RNF24: variants seen among roughly 807,000 people sequenced by gnomAD.
RNF24 encodes ring finger protein 24.
A neutral mutation model predicts 20.0 loss-of-function variants in RNF24; 14 were observed. That is an observed-to-expected ratio of 0.70 (90% CI 0.46 to 1.10). The LOEUF (loss-of-function observed/expected upper bound fraction) is 1.10. RNF24 is among the 50% of genes least tolerant of loss of function. The pLI is 0.00. For synonymous variants in RNF24, 45 were observed against 61.1 expected, an observed-to-expected ratio of 0.74 and a Z score of 1.23; for missense variants, 124 against 177.6, an observed-to-expected ratio of 0.70 and a Z score of 1.71.
intron 1 of RNF24, among the ~76,000 whole-genome samples, chr20:3,967,518 C>G (rs558602438): frequency 1.5e-3 from 235 of 152,138 alleles, no homozygotes; most frequent in African/African-American, 5.4e-3. Context: ...CTAAGAGGGA[C>G]AGATTACTTG....
Position 3,994,365 on chromosome 20 carries a change from G to A in RNF24, c.-8+21072C>T, listed in dbSNP as rs1441950012. 3.3e-5 allele frequency among the ~76,000 whole-genome samples: 5 copies of A among 152,112 alleles called. No homozygotes were observed. The East Asian group carries it at 5.8e-4, about 18-fold the overall frequency. On this transcript the variant is annotated intron_variant, in intron 1 of 5. Coordinates refer to ENST00000358395, the MANE Select transcript of RNF24 (RefSeq NM_001134337.3). ...CATCAACAGTCAGTTATAACTCCCC[G>A]GAAAAGCACAGGGTTAAAACACCTA...
At chr20:3,964,698 A>C (rs2091239973) in intron 1 of RNF24, among the ~76,000 whole-genome samples, 1 of 151,992 alleles carries the variant, frequency 6.6e-6, no homozygotes, top group South Asian at 2.1e-4. Context: ...AATTTTTAAA[A>C]ATTTTTTTGT....
chr20:3,966,633 G>A lies in RNF24; in HGVS notation c.-7-2609C>T, dbSNP rs191559216. On this transcript the variant is annotated intron_variant, in intron 1 of 5. Coordinates refer to ENST00000358395, the MANE Select transcript of RNF24 (RefSeq NM_001134337.3). ...CCTTCCACAGGGAGCTCTTCTGCAT[G>A]CACTGACAGCTTTCTGTCAGGTGGC... 1.5e-3 allele frequency among the ~76,000 whole-genome samples: 223 copies of A among 152,286 alleles called. 2 individuals are homozygous for A. The highest frequency in any genetic ancestry group is 5.2e-3 in the African/African-American group (215 of 41,560).
intron 1 of RNF24, among the ~76,000 whole-genome samples, chr20:3,983,670 G>T (rs1044626332): frequency 6.6e-6 from 1 of 151,966 alleles, no homozygotes; most frequent in Non-Finnish European, 1.5e-5. Flanking sequence ...GCCAGGCGTC[G>T]TGGCTCACAC....
chr20:3,979,902 G>A (rs1979239519), intron 1 of RNF24, among the ~76,000 whole-genome samples: 1 of 151,802 alleles, frequency 6.6e-6, no homozygotes, highest in Non-Finnish European at 1.5e-5. Context: ...GAAAATAAAT[G>A]GACACAAGAA....
intron 1 of RNF24, among the ~76,000 whole-genome samples, chr20:3,987,603 T>C (rs1980041510): frequency 6.6e-6 from 1 of 152,192 alleles, no homozygotes; most frequent in Admixed American, 6.5e-5. Flanking sequence ...CCTGGTTCTA[T>C]TAGGTCAGCA....
rs1256350694 is a variant in RNF24 at position 3,998,588 on chromosome 20, A to C, written c.-8+16849T>G. 3.5e-4 allele frequency among the ~76,000 whole-genome samples: 50 copies of C among 144,592 alleles called. 1 individual carries two copies. The highest frequency in any genetic ancestry group is 1.3e-3 in the African/African-American group (49 of 38,366). The allele number at this position is 144,592 out of a possible 152,430, so 94.9% of individuals were successfully genotyped here. ...AGACTCTATCTCAAAAAAAAAAAAAAAAAAAAAAAAAAAAAAAATTAGCCG... is the reference window on the plus strand; with the variant it reads ...AGACTCTATCTCAAAAAAAAAAAAACAAAAAAAAAAAAAAAAAATTAGCCG... On this transcript the variant is annotated intron_variant, in intron 1 of 5. Coordinates refer to ENST00000358395, the MANE Select transcript of RNF24 (RefSeq NM_001134337.3).
chr20:3,938,965 C>T (rs992257000), intron 4 of RNF24, among the ~76,000 whole-genome samples: 2 of 152,082 alleles, frequency 1.3e-5, no homozygotes, highest in African/African-American at 2.4e-5. Context: ...GTTGCCCAGG[C>T]TGGTCTCAAA....
At chr20:3,974,437 G>A (rs746101780) in intron 1 of RNF24, 93 of 1,507,570 alleles carry the variant, frequency 6.2e-5, no homozygotes, top group Middle Eastern at 1.9e-4. Context: ...GGAATAAAAG[G>A]CATACACATC....
intron 1 of RNF24, among the ~76,000 whole-genome samples, chr20:4,014,305 T>A (rs1181686789): frequency 6.6e-6 from 1 of 152,190 alleles, no homozygotes; most frequent in East Asian, 1.9e-4. Context: ...TGGACTACCT[T>A]CTCATTAACA....
intron 1 of RNF24, among the ~76,000 whole-genome samples, chr20:3,979,771 G>GA (rs1023854891): frequency 1.3e-5 from 2 of 152,200 alleles, no homozygotes; most frequent in African/African-American, 2.4e-5. Context: ...CACATTGTGG[G>GA]AAAAAAATCT....
chr20:3,948,451 G>A (rs2091045656), intron 2 of RNF24, among the ~76,000 whole-genome samples, 172 bp from the exon 3 acceptor site: 1 of 152,072 alleles, frequency 6.6e-6, no homozygotes, highest in South Asian at 2.1e-4. Context: ...AACATGCTAT[G>A]TGAAAGTGCC....
At chr20:3,937,973 A>G (rs988627107) in intron 4 of RNF24, among the ~76,000 whole-genome samples, 13 of 152,152 alleles carry the variant, frequency 8.5e-5, no homozygotes, top group African/African-American at 3.1e-4. Context: ...GGTATGTATC[A>G]AGGAGTGGAA....
chr20:3,954,715 T>C (rs1341697963), intron 2 of RNF24, among the ~76,000 whole-genome samples: 2 of 151,858 alleles, frequency 1.3e-5, no homozygotes, highest in African/African-American at 2.4e-5. Flanking sequence ...CTGGCCAACA[T>C]AGTGAAACTC....
At chr20:3,996,268 A>G (rs1980857299) in intron 1 of RNF24, among the ~76,000 whole-genome samples, 1 of 152,224 alleles carries the variant, frequency 6.6e-6, no homozygotes, top group Non-Finnish European at 1.5e-5. Flanking sequence ...CCAAAATTCA[A>G]ACCAGAAAAT....
chr20:3,945,805 TAAG>T (rs1206126319), intron 3 of RNF24, among the ~76,000 whole-genome samples: 3 of 152,044 alleles, frequency 2.0e-5, no homozygotes, highest in African/African-American at 7.3e-5. Flanking sequence ...TGCCAAGTGA[TAAG>T]AAGGAAGTTT....
intron 2 of RNF24, among the ~76,000 whole-genome samples, chr20:3,962,077 ATGTGGTGGCTCACCCCTGT>A (rs2091207978): frequency 6.6e-6 from 1 of 152,140 alleles, no homozygotes; most frequent in African/African-American, 2.4e-5. Context: ...GTCTAGCCAG[ATGTGGTGGCTCACCCCTGT>A]AATCCCAGCA....
chr20:3,976,470 T>C (rs540413911), intron 1 of RNF24, among the ~76,000 whole-genome samples: 13 of 152,268 alleles, frequency 8.5e-5, no homozygotes, highest in African/African-American at 3.1e-4. Context: ...AGTTTGTCAG[T>C]TTCTTGTAAA....
At chr20:3,941,790 T>C (rs1260989341) in intron 4 of RNF24, among the ~76,000 whole-genome samples, 1 of 152,082 alleles carries the variant, frequency 6.6e-6, no homozygotes, top group Admixed American at 6.6e-5. Context: ...AATAAAAAGA[T>C]GAAGCTGGGC....
Sources: gnomAD v4.1 joint callset for allele counts (sites outside exome capture counted in the v4.1 genomes callset) on GRCh38, gnomAD v4.1.1 for gene constraint, MANE v1.5 for transcripts, NCBI Gene and HGNC (gene_info 2026-07-23, HGNC 2026-07-21) for gene names.